FSD1L: variants seen among roughly 807,000 people sequenced by gnomAD.
The protein encoded by FSD1L is fibronectin type III and SPRY domain containing 1 like.
In FSD1L, 45 loss-of-function variants were observed where a neutral mutation model predicts 71.6. The observed-to-expected ratio is 0.63, with a 90% CI of 0.49 to 0.81. The LOEUF (loss-of-function observed/expected upper bound fraction) is 0.81. Among genes scored for constraint, FSD1L ranks in the 30% least tolerant of loss-of-function variants. FSD1L has a pLI of 0.00. For synonymous variants in FSD1L, 197 were observed against 207.2 expected (o/e 0.95, Z 0.42); for missense variants, 561 against 618.1 (o/e 0.91, Z 0.98).
chr9:105,490,475 A>C (rs1258198322), intron 7 of FSD1L, among the ~76,000 whole-genome samples: 1 of 151,810 alleles, frequency 6.6e-6, no homozygotes, highest in African/African-American at 2.4e-5. Flanking sequence ...CTCTGATGGT[A>C]GTTTCTTTTG....
chr9:105,465,257 T>C (rs1830980678), intron 3 of FSD1L, among the ~76,000 whole-genome samples: 1 of 152,144 alleles, frequency 6.6e-6, no homozygotes. Context: ...GGAAATTGAA[T>C]CCACAGTGAA....
At chr9:105,544,409 A>G (rs149591164) in intron 13 of FSD1L, among the ~76,000 whole-genome samples, 2,406 of 152,232 alleles carry the variant, frequency 0.016, 88 homozygotes, top group African/African-American at 0.055. Flanking sequence ...TTCTTTTGCT[A>G]TGCAGAAGCT....
intron 5 of FSD1L, among the ~76,000 whole-genome samples, chr9:105,475,551 T>C (rs1050978696): frequency 2.0e-5 from 3 of 152,144 alleles, no homozygotes; most frequent in Admixed American, 2.0e-4. Flanking sequence ...AAGTTAAGAA[T>C]GTTAGGAGAG....
At chr9:105,445,199 C>T (rs78551163), upstream of FSD1L, among the ~76,000 whole-genome samples, 4,739 of 152,218 alleles carry the variant, frequency 0.031, 164 homozygotes, top group African/African-American at 0.088. Flanking sequence ...ACAGAAGTCA[C>T]AGTCAGAAGG....
chr9:105,530,889 T>C (rs1835850100), intron 10 of FSD1L: 1 of 285,074 alleles, frequency 3.5e-6, no homozygotes, highest in Non-Finnish European at 6.5e-6. Flanking sequence ...GAGCTCATTC[T>C]AGTCAGATAT....
At position 105,484,398 on chromosome 9, in the gene FSD1L, C is replaced by T; in HGVS notation, c.482C>T (p.Ala161Val). 6.6e-7 allele frequency: 1 copy of T among 1,525,778 alleles called. No individual in the cohort carries two copies. The highest frequency in any genetic ancestry group is 8.8e-7 in the Non-Finnish European group (1 of 1,137,374). The allele number at this position is 1,525,778 out of a possible 1,614,324, so 94.5% of individuals were successfully genotyped here. A position where few individuals can be genotyped will look rare whatever the true frequency, so the allele number is the denominator to read the frequency against. Residue 161 changes from alanine (A) to valine (V), a missense_variant, in exon 7 of 14, where the codon GCC (alanine) becomes GTC (valine). Transcript: ENST00000481272. The part of the protein sequence containing the change: ...QIKDRVTMAS[A>V]FRLSLKPKVS... ...TACCGTAGAGTCACAATGGCTTCAG[C>T]CTTTCGCCTTTCTTTGAAACCAAAG...
chr9:105,448,058 G>C lies in FSD1L; in HGVS notation c.-163G>C. On this transcript the variant is annotated 5_prime_UTR_variant, in exon 1 of 14. Coordinates refer to ENST00000481272, the MANE Select transcript of FSD1L (RefSeq NM_001145313.3). ...CCTTTCACCCTGGCAACCGCGGCGT[G>C]ACTACGGCGCGCGCGGTCTGGGCGC... is the stretch of plus-strand genomic sequence containing the variant. The C allele has an allele frequency of 5.3e-6, 4 of 760,434 alleles. No homozygotes were observed. In the Admixed American group the frequency reaches 9.9e-5, roughly 19 times the overall value. 47.1% of individuals were successfully genotyped at this position (760,434 alleles called of 1,614,324 possible).
At chr9:105,446,575 T>A (rs148806497), upstream of FSD1L, among the ~76,000 whole-genome samples, 2 of 152,116 alleles carry the variant, frequency 1.3e-5, no homozygotes, top group African/African-American at 4.8e-5. Context: ...TTTGCCATGT[T>A]GCCCAGGCTG....
At chr9:105,442,316 A>G in the FSD1L span, among the ~76,000 whole-genome samples, 5 of 152,184 alleles carry the variant, frequency 3.3e-5, no homozygotes, top group African/African-American at 1.2e-4. Context: ...AAACTGAGTC[A>G]GAAAGGGAAT....
chr9:105,472,036 A>G (rs1831511924), intron 5 of FSD1L, 31 bp downstream of exon 5: 2 of 1,413,026 alleles, frequency 1.4e-6, no homozygotes, highest in Non-Finnish European at 9.3e-7. Context: ...TACACTTAAC[A>G]AGGGAAGTTG....
Position 105,541,984 on chromosome 9 carries a change from A to T in FSD1L, c.1467+2633A>T, listed in dbSNP as rs114451253. ...TTTTTTCATTGCTGAGTAGTGTTTC[A>T]TATATGTATGTATCACAGTTTATTC... On this transcript the variant is annotated intron_variant, in intron 13 of 13. Coordinates refer to ENST00000481272, the MANE Select transcript of FSD1L (RefSeq NM_001145313.3). Among the ~76,000 whole-genome samples the T allele has an allele frequency of 9.2e-3, 1,402 of 152,298 alleles. 22 individuals are homozygous for T. The highest frequency in any genetic ancestry group is 0.032 in the African/African-American group (1,343 of 41,544).
intron 3 of FSD1L, among the ~76,000 whole-genome samples, chr9:105,466,565 C>T (rs1314048451): frequency 6.6e-6 from 1 of 151,970 alleles, no homozygotes; most frequent in Admixed American, 6.6e-5. Flanking sequence ...TGGTGGCAAG[C>T]GCCTGTAATC....
At chr9:105,481,176 T>TGTGTGTGTGTGTGTGTGTGTGTGTGG (rs1454412244) in intron 6 of FSD1L, among the ~76,000 whole-genome samples, 5 of 123,110 alleles carry the variant, frequency 4.1e-5, no homozygotes, top group Non-Finnish European at 8.8e-5. Context: ...TGTGTGTGTG[T>TGTGTGTGTGTGTGTGTGTGTGTGTGG]GTGGTTCTTT....
intron 4 of FSD1L, among the ~76,000 whole-genome samples, chr9:105,468,828 A>G (rs1236345079): frequency 6.6e-6 from 1 of 152,226 alleles, no homozygotes; most frequent in Admixed American, 6.5e-5. Flanking sequence ...TGTACAGTGT[A>G]CAGTTGATGG....
intron 1 of FSD1L, among the ~76,000 whole-genome samples, chr9:105,458,165 C>T (rs559999714): frequency 2.0e-4 from 30 of 152,274 alleles, no homozygotes; most frequent in African/African-American, 6.0e-4. Context: ...GTGGGGCAGC[C>T]GCCTGATGCT....
At chr9:105,514,326 T>C (rs10991679) in intron 10 of FSD1L, among the ~76,000 whole-genome samples, 19,660 of 152,190 alleles carry the variant, frequency 0.13, 1,693 homozygotes, top group East Asian at 0.49. Context: ...TTTAAGGTTA[T>C]ATTATTTCTC....
intron 13 of FSD1L, among the ~76,000 whole-genome samples, chr9:105,544,369 T>C (rs1350505314): frequency 2.0e-5 from 3 of 152,244 alleles, no homozygotes; most frequent in East Asian, 3.8e-4. Context: ...TCTCCCATTC[T>C]GTAGGTTGCC....
chr9:105,509,115 G>C (rs186377772), intron 9 of FSD1L, among the ~76,000 whole-genome samples: 12 of 152,250 alleles, frequency 7.9e-5, no homozygotes, highest in Admixed American at 5.2e-4. Context: ...TATTGCAACA[G>C]TTAACGTTTA....
chr9:105,525,689 A>T, intron 10 of FSD1L: 1 of 1,608,228 alleles, frequency 6.2e-7, no homozygotes, highest in Middle Eastern at 1.7e-4. Flanking sequence ...GCAGTATTTT[A>T]TGTTGCTGAA....
Sources: gnomAD v4.1 joint callset for allele counts (sites outside exome capture counted in the v4.1 genomes callset) on GRCh38, gnomAD v4.1.1 for gene constraint, MANE v1.5 for transcripts, NCBI Gene and HGNC (gene_info 2026-07-23, HGNC 2026-07-21) for gene names.